OSBPL6: variants seen among roughly 807,000 people sequenced by gnomAD.
The protein encoded by OSBPL6 is oxysterol-binding protein-related protein 6.
A neutral mutation model predicts 125.8 loss-of-function variants in OSBPL6; 49 were observed. The ratio of observed to expected loss-of-function variants is 0.39; its 90% CI spans 0.31 to 0.49. The LOEUF is 0.49. Among genes scored for constraint, OSBPL6 ranks in the 20% least tolerant of loss-of-function variants. The pLI, the probability that OSBPL6 is intolerant of heterozygous loss-of-function variation, is 0.88. For missense variants in OSBPL6, 986 were observed against 1,135.4 expected (o/e 0.87, Z 1.89); for synonymous variants, 394 against 391.8 (o/e 1.01, Z -0.07).
At position 178,402,211 on chromosome 2, in the gene OSBPL6, C is replaced by CTGTAATA. The variant is rs1696121244; in HGVS notation, c.*6655_*6661dup. 6.6e-6 allele frequency: 1 copy of CTGTAATA among 152,180 alleles called. No individual in the cohort carries two copies. The highest frequency in any genetic ancestry group is 1.9e-4 in the East Asian group (1 of 5,200). 9.4% of individuals were successfully genotyped at this position (152,180 alleles called of 1,614,324 possible). On this transcript the variant is annotated 3_prime_UTR_variant, in exon 25 of 25. Coordinates refer to ENST00000190611, the MANE Select transcript of OSBPL6 (RefSeq NM_032523.4). ...CTTGACTTCTGTCCCAACGCCAGCC[C>CTGTAATA]TGTAATATGGAGATAAAGAGTGGGG...
At chr2:178,266,207 G>A (rs774154349) in intron 1 of OSBPL6, among the ~76,000 whole-genome samples, 2 of 152,180 alleles carry the variant, frequency 1.3e-5, no homozygotes, top group Non-Finnish European at 2.9e-5. Flanking sequence ...GGGGATTCTG[G>A]TCTCAATCGC....
chr2:178,399,160 A>G lies in OSBPL6; in HGVS notation c.*3601A>G, dbSNP rs1457103907. 2 of 152,206 alleles carry G rather than the reference A, an allele frequency of 1.3e-5. No individual in the cohort carries two copies. Among genetic ancestry groups the G allele is most frequent in the African/African-American group, 4.8e-5 (2 of 41,440 alleles). The allele number at this position is 152,206 out of a possible 1,614,324, so 9.4% of individuals were successfully genotyped here. On this transcript the variant is annotated 3_prime_UTR_variant, in exon 25 of 25. Transcript: ENST00000190611. The stretch of plus-strand genomic sequence containing the variant: ...ATTATGTTCAGGATATATAAAATGT[A>G]TCTAATTAAACAATTTTGAATCTAT...
intron 1 of OSBPL6, among the ~76,000 whole-genome samples, chr2:178,216,108 A>G (rs1459843547): frequency 6.6e-6 from 1 of 152,200 alleles, no homozygotes; most frequent in Non-Finnish European, 1.5e-5. Flanking sequence ...TCTTTTTTAC[A>G]TCTTTCATCT....
intron 12 of OSBPL6, among the ~76,000 whole-genome samples, chr2:178,359,736 G>A (rs1355595902): frequency 6.6e-6 from 1 of 152,196 alleles, no homozygotes; most frequent in Non-Finnish European, 1.5e-5. Flanking sequence ...CAAAAAGGAA[G>A]CGATCCTGCC....
intron 1 of OSBPL6, among the ~76,000 whole-genome samples, chr2:178,274,357 G>T (rs1574710008): frequency 6.6e-6 from 1 of 151,184 alleles, no homozygotes; most frequent in East Asian, 1.9e-4. Flanking sequence ...TTGAGTCTTG[G>T]CTTTCAATAA....
intron 2 of OSBPL6, among the ~76,000 whole-genome samples, chr2:178,302,943 C>T (rs1179522529): frequency 6.6e-6 from 1 of 152,168 alleles, no homozygotes; most frequent in Admixed American, 6.5e-5. Flanking sequence ...GAACGCATCA[C>T]AAAAGTACCT....
chr2:178,282,087 C>G (rs1684250638), intron 1 of OSBPL6, among the ~76,000 whole-genome samples: 1 of 152,122 alleles, frequency 6.6e-6, no homozygotes, highest in South Asian at 2.1e-4. Flanking sequence ...TAGAACTGAC[C>G]AAAAGTACTG....
chr2:178,229,558 G>C (rs913159821), intron 1 of OSBPL6, among the ~76,000 whole-genome samples: 1 of 152,152 alleles, frequency 6.6e-6, no homozygotes, highest in Non-Finnish European at 1.5e-5. Context: ...GGCTGGGTGA[G>C]GTGGTTCACT....
chr2:178,284,641 C>T (rs942505866), intron 1 of OSBPL6, among the ~76,000 whole-genome samples: 9 of 152,160 alleles, frequency 5.9e-5, no homozygotes, highest in African/African-American at 1.9e-4. Context: ...ATTTTGTCCC[C>T]TTTTAGGAAA....
intron 15 of OSBPL6, among the ~76,000 whole-genome samples, chr2:178,379,327 A>AAACG (rs1559314673): frequency 5.4e-5 from 5 of 92,530 alleles, no homozygotes; most frequent in Admixed American, 2.3e-4. Context: ...GGAAGGAAGG[A>AAACG]AAGGAAGGGA....
intron 2 of OSBPL6, among the ~76,000 whole-genome samples, chr2:178,298,755 T>C (rs1686001738): frequency 6.6e-6 from 1 of 151,566 alleles, no homozygotes; most frequent in Non-Finnish European, 1.5e-5. Context: ...CATCATTTTC[T>C]ATTCCCACCA....
chr2:178,307,325 C>T (rs150302033), intron 3 of OSBPL6, among the ~76,000 whole-genome samples: 259 of 152,080 alleles, frequency 1.7e-3, no homozygotes, highest in Non-Finnish European at 3.0e-3. Flanking sequence ...ACCCTCCCAA[C>T]ACTCTCTCTC....
chr2:178,378,421 C>T (rs1312214727), intron 15 of OSBPL6, among the ~76,000 whole-genome samples: 2 of 152,152 alleles, frequency 1.3e-5, no homozygotes, highest in Admixed American at 1.3e-4. Flanking sequence ...TTTTCCATGG[C>T]AGAGGGAAAA....
upstream of OSBPL6, chr2:178,194,348 G>C (rs1229907169): frequency 6.6e-6 from 1 of 152,144 alleles, no homozygotes; most frequent in Admixed American, 6.5e-5. Flanking sequence ...CGGGTGCGCA[G>C]CATGAGCCCC....
chr2:178,366,695 C>T (rs1406470709), intron 13 of OSBPL6, among the ~76,000 whole-genome samples: 1 of 152,106 alleles, frequency 6.6e-6, no homozygotes, highest in African/African-American at 2.4e-5. Flanking sequence ...TGTCATCCTC[C>T]CTGTCCACAA....
At chr2:178,387,208 T>C in intron 20 of OSBPL6, 69 bp downstream of exon 20, 1 of 1,240,866 alleles carries the variant, frequency 8.1e-7, no homozygotes, top group Non-Finnish European at 1.1e-6. Flanking sequence ...TATTTTAAAC[T>C]CTAGAAGATG....
intron 1 of OSBPL6, among the ~76,000 whole-genome samples, chr2:178,265,122 T>C (rs1377981168): frequency 6.9e-6 from 1 of 144,070 alleles, no homozygotes; most frequent in East Asian, 2.1e-4. Context: ...TCTCAAGCAG[T>C]CCTCCTGCCT....
At chr2:178,283,536 A>T (rs2154032153) in intron 1 of OSBPL6, among the ~76,000 whole-genome samples, 1 of 152,348 alleles carries the variant, frequency 6.6e-6, no homozygotes, top group African/African-American at 2.4e-5. Context: ...ATGTTTCAGG[A>T]TCAGAGAGTA....
At chr2:178,288,268 G>A (rs999223531) in intron 2 of OSBPL6, among the ~76,000 whole-genome samples, 6 of 152,140 alleles carry the variant, frequency 3.9e-5, no homozygotes, top group Admixed American at 3.9e-4. Context: ...GGGACCCAGA[G>A]GAAGTAGCAG....
Sources: gnomAD v4.1 joint callset for allele counts (sites outside exome capture counted in the v4.1 genomes callset) on GRCh38, gnomAD v4.1.1 for gene constraint, MANE v1.5 for transcripts, NCBI Gene and HGNC (gene_info 2026-07-23, HGNC 2026-07-21) for gene names.